BMPR2: variants seen among roughly 807,000 people sequenced by gnomAD.
BMPR2 encodes the protein bone morphogenetic protein receptor type 2.
BMPR2 carries 29 observed loss-of-function variants against 100.8 expected under a neutral mutation model. That is an observed-to-expected ratio of 0.29 (90% CI 0.21 to 0.39). The LOEUF is 0.39. Among genes scored for constraint, BMPR2 ranks in the 10% least tolerant of loss-of-function variants. BMPR2 has a pLI of 1.00. For synonymous variants in BMPR2, 382 were observed against 442.3 expected (o/e 0.86, Z 1.71); for missense variants, 1,011 against 1,274.5 (o/e 0.79, Z 3.15).
chr2:202,410,430 A>G lies in BMPR2; in HGVS notation c.76+32880A>G, dbSNP rs188348473. On this transcript the variant is annotated intron_variant, in intron 1 of 12. Coordinates refer to ENST00000374580, the MANE Select transcript of BMPR2 (RefSeq NM_001204.7). Reference sequence around the variant, plus strand: ...AACTAAAAAATGATAGGGGCATATGAAAGGATCTAACCAACTTGAAGAGAT... The same window carrying G: ...AACTAAAAAATGATAGGGGCATATGGAAGGATCTAACCAACTTGAAGAGAT... 7.3e-3 allele frequency among the ~76,000 whole-genome samples: 1,117 copies of G among 152,356 alleles called. 10 individuals carry two copies. Among genetic ancestry groups the G allele is most frequent in the Middle Eastern group, 0.031 (9 of 294 alleles).
At chr2:202,454,879 G>A (rs1451183056) in intron 1 of BMPR2, among the ~76,000 whole-genome samples, 2 of 152,170 alleles carry the variant, frequency 1.3e-5, no homozygotes, top group African/African-American at 4.8e-5. Flanking sequence ...CACAGCTCTG[G>A]AAGCTGGGAA....
intron 7 of BMPR2, among the ~76,000 whole-genome samples, chr2:202,523,725 A>T (rs892178278): frequency 3.3e-5 from 5 of 152,068 alleles, no homozygotes; most frequent in African/African-American, 1.2e-4. Flanking sequence ...AATCTCTTGA[A>T]CGTGGGAGGC....
chr2:202,442,541 C>T (rs1051099900), intron 1 of BMPR2, among the ~76,000 whole-genome samples: 1 of 150,334 alleles, frequency 6.7e-6, no homozygotes, highest in Non-Finnish European at 1.5e-5. Flanking sequence ...AACAGATGCC[C>T]AGGATCCCCC....
At chr2:202,492,738 A>C (rs1184417171) in intron 3 of BMPR2, among the ~76,000 whole-genome samples, 6 of 149,476 alleles carry the variant, frequency 4.0e-5, no homozygotes, top group South Asian at 2.1e-4. Context: ...AAAAAAAAAC[A>C]AAAAGGAAAT....
At chr2:202,381,483 A>G (rs1345055822) in intron 1 of BMPR2, among the ~76,000 whole-genome samples, 1 of 152,192 alleles carries the variant, frequency 6.6e-6, no homozygotes, top group Non-Finnish European at 1.5e-5. Context: ...CCCTACCAGC[A>G]CATTTCCAGA....
chr2:202,432,097 G>A (rs1039756201), intron 1 of BMPR2, among the ~76,000 whole-genome samples: 5 of 150,602 alleles, frequency 3.3e-5, no homozygotes, highest in Non-Finnish European at 7.4e-5. Flanking sequence ...AGAATAACTA[G>A]TATGAAGCAA....
intron 1 of BMPR2, among the ~76,000 whole-genome samples, chr2:202,393,834 T>C (rs1221370132): frequency 1.3e-5 from 2 of 150,424 alleles, no homozygotes; most frequent in Admixed American, 6.7e-5. Context: ...TCACTAATTA[T>C]AGAGTTTGTT....
At chr2:202,390,333 GTT>G (rs374406877) in intron 1 of BMPR2, among the ~76,000 whole-genome samples, 116 of 132,484 alleles carry the variant, frequency 8.8e-4, no homozygotes, top group African/African-American at 1.8e-3. Context: ...TTTCTTTCGT[GTT>G]TTTTTTTTTT....
At chr2:202,490,319 TAC>T (rs147025489) in intron 3 of BMPR2, among the ~76,000 whole-genome samples, 32 of 150,050 alleles carry the variant, frequency 2.1e-4, no homozygotes, top group Non-Finnish European at 3.4e-4. Flanking sequence ...AAAAGGTATG[TAC>T]ACACACACAC....
intron 1 of BMPR2, among the ~76,000 whole-genome samples, chr2:202,412,894 T>A (rs941110866): frequency 3.3e-5 from 5 of 151,790 alleles, no homozygotes; most frequent in African/African-American, 1.2e-4. Flanking sequence ...GAAGTATTAG[T>A]TTAATGTGTA....
At position 202,550,976 on chromosome 2, in the gene BMPR2, A is replaced by ATTT. The variant is rs1559072688; in HGVS notation, c.1414-1740_1414-1739insTTT. Among the ~76,000 whole-genome samples, 141 of 41,972 alleles carry ATTT rather than the reference A, an allele frequency of 3.4e-3. 2 individuals carry two copies. Among genetic ancestry groups the ATTT allele is most frequent in the African/African-American group, 0.013 (132 of 9,920 alleles). 27.5% of individuals were successfully genotyped at this position (41,972 alleles called of 152,430 possible). A position where few individuals can be genotyped will look rare whatever the true frequency, so the allele number is the denominator to read the frequency against. On this transcript the variant is annotated intron_variant, in intron 10 of 12. Coordinates refer to ENST00000374580, the MANE Select transcript of BMPR2 (RefSeq NM_001204.7). ...TTTTTTTTTTTTTTTTTTTTTTTTG[A>ATTT]GCCAGAGCCTTGCTCTGTCGCCCAG... is the stretch of plus-strand genomic sequence containing the variant.
chr2:202,419,918 G>A (rs1468970800), intron 1 of BMPR2, among the ~76,000 whole-genome samples: 2 of 152,120 alleles, frequency 1.3e-5, no homozygotes, highest in African/African-American at 2.4e-5. Context: ...GGTGGCCAAC[G>A]CAGGAGGATG....
chr2:202,477,084 C>T (rs1054040378), intron 3 of BMPR2, among the ~76,000 whole-genome samples: 4 of 152,072 alleles, frequency 2.6e-5, no homozygotes, highest in African/African-American at 9.7e-5. Context: ...TGCTGTTAAA[C>T]TTGCTAAACA....
At position 202,486,586 on chromosome 2, in the gene BMPR2, C is replaced by T. The variant is rs139440489; in HGVS notation, c.418+18897C>T. Among the ~76,000 whole-genome samples, 552 of 148,286 alleles carry T rather than the reference C, an allele frequency of 3.7e-3. 3 individuals are homozygous for T. Among genetic ancestry groups the T allele is most frequent in the African/African-American group, 0.011 (456 of 40,018 alleles). On this transcript the variant is annotated intron_variant, in intron 3 of 12. Transcript: ENST00000374580. The stretch of plus-strand genomic sequence containing the variant: ...GGTGGAGTTGGCAGTGAGCCGAGAT[C>T]GCATCACTGCACCTGGGCAATAGAG...
At chr2:202,533,921 C>A (rs370563259) in intron 9 of BMPR2, among the ~76,000 whole-genome samples, 4 of 152,096 alleles carry the variant, frequency 2.6e-5, no homozygotes, top group Admixed American at 6.5e-5. Context: ...GGGATTACAT[C>A]GTTGTAGTAT....
intron 1 of BMPR2, among the ~76,000 whole-genome samples, chr2:202,455,907 T>A (rs1692087840): frequency 6.6e-6 from 1 of 150,432 alleles, no homozygotes; most frequent in South Asian, 2.1e-4. Context: ...CTACTAAAAA[T>A]ACAAAAAATT....
At chr2:202,410,132 C>T (rs1461458667) in intron 1 of BMPR2, among the ~76,000 whole-genome samples, 4 of 152,024 alleles carry the variant, frequency 2.6e-5, no homozygotes, top group African/African-American at 9.7e-5. Context: ...CTATAGGCAT[C>T]TGCCACCACG....
Position 202,542,246 on chromosome 2 carries a change from CT to C in BMPR2, c.1277-64del, listed in dbSNP as rs1688290239. ...TGCTTACTTGGTATCAGAAATACCC[CT>C]GTTATTCTATCATTTATGATAGTTA... is the stretch of plus-strand genomic sequence containing the variant. On this transcript the variant is annotated intron_variant, in intron 9 of 12. Transcript: ENST00000374580. 3.2e-6 allele frequency: 5 copies of C among 1,582,294 alleles called. No homozygotes were observed. In the South Asian group the frequency reaches 3.4e-5, roughly 11 times the overall value.
chr2:202,488,933 G>A (rs1394599788), intron 3 of BMPR2, among the ~76,000 whole-genome samples: 1 of 151,366 alleles, frequency 6.6e-6, no homozygotes, highest in Non-Finnish European at 1.5e-5. Context: ...TCCACTTTGT[G>A]TCTGATGAAT....
Sources: gnomAD v4.1 joint callset for allele counts (sites outside exome capture counted in the v4.1 genomes callset) on GRCh38, gnomAD v4.1.1 for gene constraint, MANE v1.5 for transcripts, NCBI Gene and HGNC (gene_info 2026-07-23, HGNC 2026-07-21) for gene names.